TSGA10: variants seen among roughly 807,000 people sequenced by gnomAD.
TSGA10 encodes testis specific 10, also known as testis-specific gene 10 protein.
A neutral mutation model predicts 96.6 loss-of-function variants in TSGA10; 43 were observed. The observed-to-expected ratio is 0.44, with a 90% CI of 0.35 to 0.57. TSGA10 has a LOEUF of 0.57. Among genes scored for constraint, TSGA10 ranks in the 20% least tolerant of loss-of-function variants. The probability of loss-of-function intolerance (pLI) is 0.01; values close to 1 mark genes in which losing one functional copy is unlikely to be tolerated. For missense variants in TSGA10, 703 were observed against 834.4 expected (o/e 0.84, Z 1.94); for synonymous variants, 229 against 269.9 (o/e 0.85, Z 1.48).
intron 15 of TSGA10, among the ~76,000 whole-genome samples, chr2:99,068,239 G>T (rs1159671002): frequency 6.6e-6 from 1 of 152,136 alleles, no homozygotes; most frequent in Non-Finnish European, 1.5e-5. Flanking sequence ...TGATAAAATA[G>T]TATAGGTGGA....
intron 2 of TSGA10, among the ~76,000 whole-genome samples, chr2:99,122,434 G>A (rs1403018976): frequency 6.6e-6 from 1 of 151,388 alleles, no homozygotes; most frequent in African/African-American, 2.4e-5. Flanking sequence ...AATATTTCCT[G>A]TACATGCATT....
Position 99,035,309 on chromosome 2 carries a change from C to T in TSGA10, c.1535G>A (p.Arg512Lys). The change falls in exon 17 of 21, where the codon AGG (arginine) becomes AAG (lysine). Residue 512 changes from arginine to lysine, a missense_variant. By Grantham distance (26) the Arg-to-Lys change is conservative (BLOSUM62 2). Transcript: ENST00000393483. ...VSALADLSST[R>K]ELCIKLDSSK... ...TGAGTCAAGTTTAATACAGAGTTCC[C>T]TAGTAGAAGACAAATCTGCAAGAGC... is the stretch of plus-strand genomic sequence containing the variant. 6.2e-7 allele frequency: 1 copy of T among 1,613,024 alleles called. No individual in the cohort carries two copies. The highest frequency in any genetic ancestry group is 8.5e-7 in the Non-Finnish European group (1 of 1,179,358).
intron 20 of TSGA10, among the ~76,000 whole-genome samples, chr2:98,999,375 A>C (rs1379091547): frequency 6.6e-6 from 1 of 152,218 alleles, no homozygotes; most frequent in African/African-American, 2.4e-5. Context: ...TTCCATTTAC[A>C]TGACAACCTG....
intron 17 of TSGA10, among the ~76,000 whole-genome samples, chr2:99,026,169 T>A (rs1270734707): frequency 6.6e-6 from 1 of 152,194 alleles, no homozygotes; most frequent in Non-Finnish European, 1.5e-5. Context: ...CTCTTCATTA[T>A]TGAAAGTGGG....
chr2:99,132,887 T>C (rs4588238), intron 1 of TSGA10, among the ~76,000 whole-genome samples: 90,865 of 151,918 alleles, frequency 0.6, 27,946 homozygotes, highest in East Asian at 0.88. Flanking sequence ...GAGCAGTTTC[T>C]ATACAGTTGC....
intron 16 of TSGA10, 113 bp downstream of exon 16, chr2:99,064,826 A>T: frequency 1.2e-6 from 1 of 855,832 alleles, no homozygotes; most frequent in South Asian, 2.4e-5. Flanking sequence ...TACAATTCAC[A>T]GTACATTTAA....
In TSGA10 at chr2:99,018,222, C is replaced by T. The variant is rs746673852; in HGVS notation, c.2050G>A (p.Gly684Ser). The T allele has an allele frequency of 6.2e-7, 1 of 1,613,646 alleles. No individual in the cohort carries two copies. Among genetic ancestry groups the T allele is most frequent in the Non-Finnish European group, 8.5e-7 (1 of 1,179,982 alleles). Reference protein sequence around the residue: ...ERAHHRSPDRGLDRSLEENLC... With the variant: ...ERAHHRSPDRSLDRSLEENLC... ...CACTCTTCTAATGATCGATCTAGGC[C>T]TCGGTCAGGAGATCGATGGTGAGCA... is the stretch of plus-strand genomic sequence containing the variant. The change falls in exon 20 of 21, where the codon GGC becomes AGC. Residue 684 changes from glycine to serine, a missense_variant. Around this residue, in one of 3 missense-constraint regions of TSGA10, gnomAD observed 69 missense variants for 81.3 expected, o/e 0.85. Transcript: ENST00000393483.
At chr2:99,147,901 T>TA (rs1439854160) in intron 1 of TSGA10, among the ~76,000 whole-genome samples, 1 of 152,226 alleles carries the variant, frequency 6.6e-6, no homozygotes, top group Non-Finnish European at 1.5e-5. Context: ...GACATTGACT[T>TA]ATATAACCAC....
chr2:99,017,094 A>G (rs1294141232), intron 20 of TSGA10, among the ~76,000 whole-genome samples: 1 of 152,234 alleles, frequency 6.6e-6, no homozygotes, highest in African/African-American at 2.4e-5. Context: ...AAAACAGTAC[A>G]GAGATTCCAT....
intron 2 of TSGA10, among the ~76,000 whole-genome samples, chr2:99,121,239 C>A (rs921363437): frequency 6.6e-6 from 1 of 152,084 alleles, no homozygotes; most frequent in Non-Finnish European, 1.5e-5. Flanking sequence ...CCAAAAACTG[C>A]CAAATCATTT....
At chr2:99,072,270 TCAGA>T (rs2086066408) in intron 13 of TSGA10, among the ~76,000 whole-genome samples, 1 of 152,148 alleles carries the variant, frequency 6.6e-6, no homozygotes, top group African/African-American at 2.4e-5. Flanking sequence ...AACCCTTCTC[TCAGA>T]CAAACTCTAT....
At chr2:99,129,242 A>C (rs1425613928) in intron 1 of TSGA10, among the ~76,000 whole-genome samples, 2 of 152,102 alleles carry the variant, frequency 1.3e-5, no homozygotes, top group African/African-American at 2.4e-5. Flanking sequence ...TATGTTCTAA[A>C]TTTTTCTGGA....
intron 17 of TSGA10, among the ~76,000 whole-genome samples, chr2:99,023,253 G>A (rs374184149): frequency 3.3e-5 from 5 of 152,086 alleles, no homozygotes; most frequent in African/African-American, 1.2e-4. Flanking sequence ...TCCTGTCTAG[G>A]CCTCCCAAAG....
intron 20 of TSGA10, 57 bp from the exon 21 acceptor site, chr2:98,998,278 G>A: frequency 6.9e-7 from 1 of 1,447,948 alleles, no homozygotes; most frequent in Admixed American, 2.0e-5. Flanking sequence ...TTCAACATGT[G>A]TAACAAATTT....
rs566398560 is a variant in TSGA10 at position 99,109,011 on chromosome 2, T to C, written c.52-20A>G. On this transcript the variant is annotated intron_variant, in intron 6 of 20. Coordinates refer to ENST00000393483, the MANE Select transcript of TSGA10 (RefSeq NM_025244.4). ...TGCACCCTATAATTATATAAGGAAT[T>C]TGAAATCTTCTTTGATATATAGTAC... 4.1e-6 allele frequency: 6 copies of C among 1,473,246 alleles called. No individual in the cohort carries two copies. In the East Asian group the frequency reaches 1.0e-4, roughly 25 times the overall value. The allele number at this position is 1,473,246 out of a possible 1,614,324, so 91.3% of individuals were successfully genotyped here.
At chr2:99,057,141 T>G (rs1287899750) in intron 16 of TSGA10, among the ~76,000 whole-genome samples, 1 of 66,806 alleles carries the variant, frequency 1.5e-5, no homozygotes, top group Non-Finnish European at 2.7e-5. Flanking sequence ...GATGAAATGC[T>G]TTCCCCCTAA....
intron 5 of TSGA10, among the ~76,000 whole-genome samples, chr2:99,110,542 A>G (rs1336276559): frequency 6.6e-6 from 1 of 152,236 alleles, no homozygotes; most frequent in African/African-American, 2.4e-5. Flanking sequence ...TAATGTGTAA[A>G]CAAACTTCAT....
intron 10 of TSGA10, among the ~76,000 whole-genome samples, chr2:99,097,022 C>G (rs949732925): frequency 6.6e-6 from 1 of 152,066 alleles, no homozygotes; most frequent in Non-Finnish European, 1.5e-5. Flanking sequence ...AACCCAGATA[C>G]AGGCAAAATT....
At chr2:98,999,922 T>G (rs531569433) in intron 20 of TSGA10, among the ~76,000 whole-genome samples, 82 of 152,274 alleles carry the variant, frequency 5.4e-4, no homozygotes, top group Admixed American at 9.8e-4. Context: ...CTAATTTTTT[T>G]TGTGTGTGTA....
Sources: gnomAD v4.1 joint callset for allele counts (sites outside exome capture counted in the v4.1 genomes callset) on GRCh38, gnomAD v4.1.1 for gene constraint, gnomAD v4.1.1 regional missense constraint, MANE v1.5 for transcripts, NCBI Gene and HGNC (gene_info 2026-07-23, HGNC 2026-07-21) for gene names.